ZBTB34: variants seen among roughly 807,000 people sequenced by gnomAD.
The protein encoded by ZBTB34 is zinc finger and BTB domain containing 34.
ZBTB34 carries 1 observed loss-of-function variant against 33.4 expected under a neutral mutation model. The ratio of observed to expected loss-of-function variants is 0.03; its 90% CI spans 0.01 to 0.14. The LOEUF is 0.14. ZBTB34 is among the 10% of genes least tolerant of loss of function. ZBTB34 has a pLI of 1.00. For missense variants in ZBTB34, 406 were observed against 657.2 expected (o/e 0.62, Z 4.18); for synonymous variants, 283 against 253.5 (o/e 1.12, Z -1.11).
chr9:126,881,974 T>C (rs2033448702), exon 2 of ZBTB34: 1 of 166,822 alleles, frequency 6.0e-6, no homozygotes, highest in Non-Finnish European at 1.5e-5. Flanking sequence ...TTGTTTTTTT[T>C]CTTTCTCTTT....
chr9:126,873,761 C>A (rs1017319320), intron 1 of ZBTB34, among the ~76,000 whole-genome samples: 1 of 150,436 alleles, frequency 6.6e-6, no homozygotes, highest in African/African-American at 2.4e-5. Flanking sequence ...CCCGCCACCA[C>A]GCCCAGCTAA....
exon 2 of ZBTB34, chr9:126,882,686 C>T (rs1372238265): frequency 6.0e-6 from 1 of 167,022 alleles, no homozygotes; most frequent in Non-Finnish European, 1.5e-5. Flanking sequence ...GAAAAACGAA[C>T]GAAGGACCAG....
exon 2 of ZBTB34, chr9:126,885,318 G>C (rs1007523232): frequency 1.8e-5 from 3 of 167,070 alleles, no homozygotes; most frequent in Admixed American, 6.5e-5. Flanking sequence ...CCTTGTAGCA[G>C]ATTCAGTCCA....
At position 126,873,388 on chromosome 9, in the gene ZBTB34, C is replaced by T. The variant is rs79100812; in HGVS notation, c.-10-6002C>T. Among the ~76,000 whole-genome samples the T allele has an allele frequency of 1.5e-3, 233 of 152,138 alleles. 3 individuals carry two copies. Among genetic ancestry groups the T allele is most frequent in the African/African-American group, 5.4e-3 (225 of 41,488 alleles). ...AAGCCATGCTCCCACCTCAGCCCCC[C>T]GAGTACCTGGGACTACAGGCGCCCA... On this transcript the variant is annotated intron_variant, in intron 1 of 1. Transcript: ENST00000319119.
chr9:126,875,175 T>C (rs1417447475), intron 1 of ZBTB34, among the ~76,000 whole-genome samples: 1 of 152,218 alleles, frequency 6.6e-6, no homozygotes, highest in African/African-American at 2.4e-5. Flanking sequence ...AGAGACTTAG[T>C]GTGAAAAGAA....
chr9:126,880,437 C>G lies in ZBTB34; in HGVS notation c.1038C>G (p.Asp346Glu). The G allele has an allele frequency of 6.2e-7, 1 of 1,613,592 alleles. No homozygotes were observed. ...TGCAGGGCCTGGTGCAGGGCTCTGA[C>G]AGTGAAGCCATGATGAACAACCCCG... Residue 346 changes from aspartate (D) to glutamate (E), a missense_variant, in exon 2 of 2, where the codon GAC becomes GAG. Asp to Glu is a conservative substitution (Grantham distance 45). Transcript: ENST00000319119. The surrounding 1 kb of genome is among the most constrained non-coding windows in gnomAD (Gnocchi z 6.7).
chr9:126,875,307 A>G (rs2033341085), intron 1 of ZBTB34, among the ~76,000 whole-genome samples: 1 of 152,230 alleles, frequency 6.6e-6, no homozygotes, highest in Non-Finnish European at 1.5e-5. Context: ...AAAGCATTAA[A>G]TTACACATGC....
chr9:126,865,380 G>A (rs1412600268), intron 1 of ZBTB34, among the ~76,000 whole-genome samples: 6 of 152,238 alleles, frequency 3.9e-5, no homozygotes, highest in African/African-American at 1.2e-4. Flanking sequence ...AGAGCTCACC[G>A]CCAGGAGTGG....
At chr9:126,881,151 C>T (rs2033435129) in exon 2 of ZBTB34, 1 of 502,362 alleles carries the variant, frequency 2.0e-6, no homozygotes, top group Non-Finnish European at 3.7e-6. Flanking sequence ...TGACAGTATT[C>T]CTCTTTGGCT....
chr9:126,864,714 T>C lies in ZBTB34; in HGVS notation c.-11+3975T>C, dbSNP rs2033179105. ...ATGTTTCACACAGCCCTGGTGTTAT[T>C]TGACTGCTGCTTTCTAAAAGATTAG... On this transcript the variant is annotated intron_variant, in intron 1 of 1. Coordinates refer to ENST00000319119, the Ensembl canonical transcript of ZBTB34. Among the ~76,000 whole-genome samples the C allele has an allele frequency of 1.3e-5, 2 of 152,202 alleles. 1 individual carries two copies. The highest frequency in any genetic ancestry group is 2.9e-5 in the Non-Finnish European group (2 of 68,036).
intron 1 of ZBTB34, among the ~76,000 whole-genome samples, chr9:126,867,231 TC>T (rs1324094266): frequency 5.9e-5 from 9 of 151,276 alleles, no homozygotes; most frequent in South Asian, 2.1e-4. Flanking sequence ...GCTTAATTCC[TC>T]CCCGTTACTT....
In ZBTB34 at chr9:126,883,162, G is replaced by T. The variant is rs547842274; in HGVS notation, c.*2248G>T. The T allele has an allele frequency of 6.6e-5, 11 of 166,172 alleles. No individual in the cohort carries two copies. In the East Asian group the frequency reaches 1.6e-3, roughly 24 times the overall value. The allele number at this position is 166,172 out of a possible 1,614,324, so 10.3% of individuals were successfully genotyped here. On this transcript the variant is annotated 3_prime_UTR_variant, in exon 2 of 2. Coordinates refer to ENST00000319119, the Ensembl canonical transcript of ZBTB34. The stretch of plus-strand genomic sequence containing the variant: ...CTGGGGTTTCAGGTAAATGTTTGTG[G>T]GTTTTTTTTTCCTTACATGAATAAG...
exon 2 of ZBTB34, chr9:126,882,834 C>T (rs988346068): frequency 6.0e-6 from 1 of 166,844 alleles, no homozygotes; most frequent in African/African-American, 2.4e-5. Context: ...TCATTCAAGC[C>T]CTTTGTGTGT....
At chr9:126,864,612 G>A (rs1213712184) in intron 1 of ZBTB34, among the ~76,000 whole-genome samples, 1 of 152,022 alleles carries the variant, frequency 6.6e-6, no homozygotes, top group Non-Finnish European at 1.5e-5. Context: ...ATTAGGATGA[G>A]TGCTTCATGA....
exon 2 of ZBTB34, chr9:126,884,596 T>G (rs553517817): frequency 6.0e-6 from 1 of 167,224 alleles, no homozygotes; most frequent in South Asian, 2.1e-4. Flanking sequence ...AAATGTCTTT[T>G]CTAATGATAG....
At chr9:126,878,705 ATTTAGTTTTGT>A (rs1458165003) in intron 1 of ZBTB34, among the ~76,000 whole-genome samples, 1 of 151,454 alleles carries the variant, frequency 6.6e-6, no homozygotes, top group Non-Finnish European at 1.5e-5. Context: ...TTTTAGATGA[ATTTAGTTTTGT>A]TTTTGTTTTG....
rs755657426 is a variant in ZBTB34, at chr9:126,880,710, C to T, written c.1311C>T (p.Cys437=). ...ATAAACCATTCCGCTGTGAGATCTG[C>T]GGGAAGTGCTTTCCATTCCAAGGTA... Residue 437 remains cysteine, a synonymous_variant, in exon 2 of 2, where the codon TGC becomes TGT. Coordinates refer to ENST00000319119, the Ensembl canonical transcript of ZBTB34. This position sits in a 1 kb window ranked among gnomAD's most constrained non-coding sequence, Gnocchi z 6.7. 2.0e-5 allele frequency: 33 copies of T among 1,613,670 alleles called. No homozygotes were observed. Among genetic ancestry groups the T allele is most frequent in the Middle Eastern group, 1.6e-4 (1 of 6,084 alleles).
intron 1 of ZBTB34, among the ~76,000 whole-genome samples, chr9:126,867,688 G>T (rs1331589840): frequency 6.6e-6 from 1 of 150,424 alleles, no homozygotes; most frequent in Non-Finnish European, 1.5e-5. Context: ...TGTGGCGTCT[G>T]AGATTTATGT....
chr9:126,869,765 A>T (rs1187502634), intron 1 of ZBTB34, among the ~76,000 whole-genome samples: 7 of 152,338 alleles, frequency 4.6e-5, no homozygotes, highest in Admixed American at 3.9e-4. Context: ...TAAGAAAGTA[A>T]GATTTTGGAA....
Sources: gnomAD v4.1 joint callset for allele counts (sites outside exome capture counted in the v4.1 genomes callset) on GRCh38, gnomAD v4.1.1 for gene constraint, Gnocchi (gnomAD v3.1) non-coding constraint, MANE v1.5 for transcripts, NCBI Gene and HGNC (gene_info 2026-07-23, HGNC 2026-07-21) for gene names.